The following MEF2A variants were observed in gnomAD, a reference collection of about 807,000 sequenced individuals.
The protein encoded by MEF2A is myocyte enhancer factor 2A.
A neutral mutation model predicts 55.8 loss-of-function variants in MEF2A; 28 were observed. The observed-to-expected ratio is 0.50, with a 90% confidence interval of 0.37 to 0.69. MEF2A has a LOEUF of 0.69. Ranked by LOEUF, MEF2A falls within the 30% of genes least tolerant of loss-of-function variation. The probability of loss-of-function intolerance (pLI) is 0.00; values close to 1 mark genes in which losing one functional copy is unlikely to be tolerated. For missense variants in MEF2A, 528 were observed against 626.2 expected, an observed-to-expected ratio of 0.84 and a Z score of 1.67; for synonymous variants, 239 against 227.1, an observed-to-expected ratio of 1.05 and a Z score of -0.47.
intron 11 of MEF2A, among the ~76,000 whole-genome samples, chr15:99,711,735 TATGTC>T (rs1415578063): frequency 6.6e-6 from 1 of 152,200 alleles, no homozygotes; most frequent in East Asian, 1.9e-4. Context: ...TCTTAGGAAT[TATGTC>T]ATGGAAAAAG....
intron 8 of MEF2A, among the ~76,000 whole-genome samples, chr15:99,698,413 T>C (rs544350645): frequency 3.9e-5 from 6 of 152,244 alleles, no homozygotes; most frequent in African/African-American, 1.2e-4. Context: ...TGTATGAAAA[T>C]ATGCTCAATA....
At position 99,608,106 on chromosome 15, in the gene MEF2A, C is replaced by G. The variant is rs778876424; in HGVS notation, c.-143+9595C>G. On this transcript the variant is annotated intron_variant, in intron 2 of 11. Transcript: ENST00000557942. ...GAAGTTAGTAGTTTGGATGATTTAC[C>G]ATGATCAACTAATGGTTTATGTAGT... 6.6e-5 allele frequency among the ~76,000 whole-genome samples: 10 copies of G among 152,102 alleles called. 1 individual carries two copies. The Middle Eastern group carries it at 0.01, about 155-fold the overall frequency.
chr15:99,636,487 G>A (rs1303471495), intron 3 of MEF2A, among the ~76,000 whole-genome samples: 1 of 151,944 alleles, frequency 6.6e-6, no homozygotes, highest in Non-Finnish European at 1.5e-5. Flanking sequence ...GTTGGACTAC[G>A]GGCATGTACC....
chr15:99,593,894 T>C (rs1010209091), intron 1 of MEF2A, among the ~76,000 whole-genome samples: 2 of 152,236 alleles, frequency 1.3e-5, no homozygotes, highest in Non-Finnish European at 2.9e-5. Flanking sequence ...TGTTTTGTTT[T>C]GTTTTTAATC....
intron 2 of MEF2A, among the ~76,000 whole-genome samples, chr15:99,626,359 T>A (rs1477055030): frequency 6.6e-6 from 1 of 152,156 alleles, no homozygotes. Context: ...TCTCTTTTTC[T>A]TCCTAGTCAG....
intron 2 of MEF2A, among the ~76,000 whole-genome samples, chr15:99,608,454 T>C (rs1362757632): frequency 6.6e-6 from 1 of 152,218 alleles, no homozygotes; most frequent in East Asian, 1.9e-4. Context: ...TAACTTGTTA[T>C]TAATCAGAGA....
At chr15:99,687,859 CA>C (rs139946446) in intron 7 of MEF2A, among the ~76,000 whole-genome samples, 235 of 152,304 alleles carry the variant, frequency 1.5e-3, no homozygotes, top group African/African-American at 5.4e-3. Flanking sequence ...TATACCCTCC[CA>C]GGGGCACAGT....
chr15:99,614,037 A>G (rs917446506), intron 2 of MEF2A, among the ~76,000 whole-genome samples: 10 of 152,176 alleles, frequency 6.6e-5, no homozygotes, highest in Non-Finnish European at 1.2e-4. Flanking sequence ...ATTAGGGCCA[A>G]AATTTCAACT....
In MEF2A at chr15:99,712,503, T is replaced by TG. The variant is rs1315473256; in HGVS notation, c.1250_1251insG (p.Phe417LeufsTer44). 2 of 1,527,650 alleles carry TG rather than the reference T, an allele frequency of 1.3e-6. No homozygotes were observed. Among genetic ancestry groups the TG allele is most frequent in the East Asian group, 5.1e-5 (2 of 39,490 alleles). The allele number at this position is 1,527,650 out of a possible 1,614,324, so 94.6% of individuals were successfully genotyped here. ...CGGGATCGTATGACCCCATCGGGCT[T>TG]CCAGCAGCAGCAGCAGCAGCAGCAG... is the stretch of plus-strand genomic sequence containing the variant. On this transcript the variant is annotated frameshift_variant, in exon 12 of 12. Coordinates refer to ENST00000557942, the MANE Select transcript of MEF2A (RefSeq NM_001319206.4). LOFTEE classifies it high-confidence loss of function. The surrounding 1 kb of genome is among the most constrained non-coding windows in gnomAD (Gnocchi z 4.1).
chr15:99,589,235 C>T (rs182705139), intron 1 of MEF2A, among the ~76,000 whole-genome samples: 335 of 152,182 alleles, frequency 2.2e-3, no homozygotes, highest in African/African-American at 7.7e-3. Context: ...TTAGTTTATT[C>T]GATACAGAAT....
At chr15:99,632,287 T>C (rs1005680282) in intron 2 of MEF2A, among the ~76,000 whole-genome samples, 2 of 152,164 alleles carry the variant, frequency 1.3e-5, no homozygotes, top group African/African-American at 4.8e-5. Flanking sequence ...GATAAGGAGG[T>C]GTTCATTAAA....
At chr15:99,580,459 T>C (rs534563373) in intron 1 of MEF2A, among the ~76,000 whole-genome samples, 1 of 152,290 alleles carries the variant, frequency 6.6e-6, no homozygotes, top group Non-Finnish European at 1.5e-5. Flanking sequence ...ATAAAGCTTT[T>C]AGTTATGAAA....
rs565795413 is a variant in MEF2A at position 99,707,357 on chromosome 15, C to G, written c.1009+502C>G. On this transcript the variant is annotated intron_variant, in intron 10 of 11. Coordinates refer to ENST00000557942, the MANE Select transcript of MEF2A (RefSeq NM_001319206.4). Reference sequence around the variant, plus strand: ...CTGTTTTCCTCCCTGTAACCACTAGCTTGGTCCATGTCATGTGCACCTGAG... The same window carrying G: ...CTGTTTTCCTCCCTGTAACCACTAGGTTGGTCCATGTCATGTGCACCTGAG... 2.5e-4 allele frequency among the ~76,000 whole-genome samples: 38 copies of G among 152,270 alleles called. 1 individual carries two copies. Among genetic ancestry groups the G allele is most frequent in the African/African-American group, 8.9e-4 (37 of 41,558 alleles).
At chr15:99,687,393 G>A (rs989998138) in intron 7 of MEF2A, among the ~76,000 whole-genome samples, 2 of 152,060 alleles carry the variant, frequency 1.3e-5, no homozygotes, top group African/African-American at 4.8e-5. Context: ...GTAACACCTA[G>A]TGTCTGCTTA....
At chr15:99,699,978 GTGTGTGTATA>G (rs2057146894) in intron 8 of MEF2A, among the ~76,000 whole-genome samples, 1 of 99,410 alleles carries the variant, frequency 1.0e-5, no homozygotes, top group Admixed American at 1.0e-4. Flanking sequence ...GTGTGTGTGT[GTGTGTGTATA>G]TATATATATA....
At chr15:99,568,897 A>C (rs1960886523) in intron 1 of MEF2A, among the ~76,000 whole-genome samples, 1 of 152,234 alleles carries the variant, frequency 6.6e-6, no homozygotes, top group South Asian at 2.1e-4. Flanking sequence ...CACTATGAGA[A>C]AACCATTTGT....
At chr15:99,584,437 C>T (rs1201359450) in intron 1 of MEF2A, among the ~76,000 whole-genome samples, 1 of 152,072 alleles carries the variant, frequency 6.6e-6, no homozygotes, top group Non-Finnish European at 1.5e-5. Context: ...CCCAAATGAC[C>T]ATCAGTTGAT....
At chr15:99,673,684 G>C (rs865864055) in intron 5 of MEF2A, among the ~76,000 whole-genome samples, 1 of 152,022 alleles carries the variant, frequency 6.6e-6, no homozygotes, top group Non-Finnish European at 1.5e-5. Context: ...TAATTTGGAG[G>C]GAGGGAAGGT....
chr15:99,602,917 T>C (rs1973817083), intron 2 of MEF2A, among the ~76,000 whole-genome samples: 1 of 152,118 alleles, frequency 6.6e-6, no homozygotes, highest in South Asian at 2.1e-4. Flanking sequence ...TAATTCTTGT[T>C]AAATAAGCTT....
Sources: allele counts gnomAD v4.1 joint callset (sites outside exome capture counted in the v4.1 genomes callset), GRCh38; gene constraint gnomAD v4.1.1; non-coding constraint Gnocchi (gnomAD v3.1); transcripts MANE v1.5; gene names NCBI Gene and HGNC (gene_info 2026-07-23, HGNC 2026-07-21).